NSL1: variants seen among roughly 807,000 people sequenced by gnomAD.
The protein encoded by NSL1 is NSL1 component of MIS12 kinetochore complex, also known as kinetochore-associated protein NSL1 homolog.
In NSL1, 11 loss-of-function variants were observed where a neutral mutation model predicts 25.4. The ratio of observed to expected loss-of-function variants is 0.43; its 90% CI spans 0.27 to 0.72. NSL1 has a LOEUF of 0.72. NSL1 is among the 30% of genes least tolerant of loss of function. The probability of loss-of-function intolerance (pLI) is 0.19; values close to 1 mark genes in which losing one functional copy is unlikely to be tolerated. For missense variants in NSL1, 330 were observed against 342.7 expected (o/e 0.96, Z 0.29); for synonymous variants, 118 against 120.6 (o/e 0.98, Z 0.14).
Position 212,728,277 on chromosome 1 carries a change from CATTT to C in NSL1, c.*10127_*10130del. On this transcript the variant is annotated 3_prime_UTR_variant, in exon 6 of 6. Transcript: ENST00000366977. ...AAGTTGATAACATTATATATGTAAA[CATTT>C]ATTTAAAGTATTTTTGTACAATTCC... 1 of 974,636 alleles carries C rather than the reference CATTT, an allele frequency of 1.0e-6. No homozygotes were observed. Among genetic ancestry groups the C allele is most frequent in the Non-Finnish European group, 1.2e-6 (1 of 820,190 alleles). The allele number at this position is 974,636 out of a possible 1,614,324, so 60.4% of individuals were successfully genotyped here.
chr1:212,782,116 G>A, intron 4 of NSL1: 1 of 691,004 alleles, frequency 1.4e-6, no homozygotes. Context: ...AGATGGGTAT[G>A]TGTTATAATA....
intron 4 of NSL1, among the ~76,000 whole-genome samples, chr1:212,752,087 C>A (rs1507357): frequency 0.18 from 27,250 of 152,114 alleles, 2,770 homozygotes; most frequent in African/African-American, 0.28. Flanking sequence ...TTAAAGGAGC[C>A]AAACTATTCC....
rs367638299 is a variant in NSL1 at position 212,766,266 on chromosome 1, G to T, written c.499+16106C>A. Reference sequence around the variant, plus strand: ...ATGGGGAAAAGTTGAAAGCATTCCCGTTGAGAACTGGAACAAGACAAAGAT... The same window carrying T: ...ATGGGGAAAAGTTGAAAGCATTCCCTTTGAGAACTGGAACAAGACAAAGAT... On this transcript the variant is annotated intron_variant, in intron 4 of 5. Transcript: ENST00000366977. 7 of 631,064 alleles carry T rather than the reference G, an allele frequency of 1.1e-5. No individual in the cohort carries two copies. The Admixed American group carries it at 1.7e-4, about 15-fold the overall frequency. 39.1% of individuals were successfully genotyped at this position (631,064 alleles called of 1,614,324 possible).
In NSL1 at chr1:212,735,493, G is replaced by A; in HGVS notation, c.*2915C>T. 3 of 985,392 alleles carry A rather than the reference G, an allele frequency of 3.0e-6. No homozygotes were observed. The highest frequency in any genetic ancestry group is 3.6e-6 in the Non-Finnish European group (3 of 829,910). The allele number at this position is 985,392 out of a possible 1,614,324, so 61.0% of individuals were successfully genotyped here. The stretch of plus-strand genomic sequence containing the variant: ...GGTTTTATTCACTTTGTCCTCTACG[G>A]AGCCCAAGCCATAAAGGGCCAGGGA... On this transcript the variant is annotated 3_prime_UTR_variant, in exon 6 of 6. Transcript: ENST00000366977.
intron 4 of NSL1, among the ~76,000 whole-genome samples, chr1:212,768,595 A>G (rs1415841000): frequency 6.6e-6 from 1 of 152,242 alleles, no homozygotes; most frequent in Non-Finnish European, 1.5e-5. Context: ...GTTGGAGTCC[A>G]TCATTCTAAG....
At position 212,735,265 on chromosome 1, in the gene NSL1, A is replaced by C. The variant is rs1414322998; in HGVS notation, c.*3143T>G. 1 of 967,288 alleles carries C rather than the reference A, an allele frequency of 1.0e-6. No individual in the cohort carries two copies. Among genetic ancestry groups the C allele is most frequent in the Non-Finnish European group, 1.2e-6 (1 of 813,620 alleles). The allele number at this position is 967,288 out of a possible 1,614,324, so 59.9% of individuals were successfully genotyped here. ...TAGAACTGAAATCTGAACTCAGATGATCTGGCTTAGAGGCTGTGCTCTTAA... is the reference window on the plus strand; with the variant it reads ...TAGAACTGAAATCTGAACTCAGATGCTCTGGCTTAGAGGCTGTGCTCTTAA... On this transcript the variant is annotated 3_prime_UTR_variant, in exon 6 of 6. Coordinates refer to ENST00000366977, the MANE Select transcript of NSL1 (RefSeq NM_015471.4).
chr1:212,742,681 A>G (rs1483837437), intron 4 of NSL1, among the ~76,000 whole-genome samples: 3 of 152,200 alleles, frequency 2.0e-5, no homozygotes, highest in Non-Finnish European at 4.4e-5. Flanking sequence ...ATTAGGCAAA[A>G]TATTAATACA....
chr1:212,791,738 AC>A lies in NSL1; in HGVS notation c.25del (p.Val9SerfsTer38), dbSNP rs1470346553. 5 of 1,611,766 alleles carry A rather than the reference AC, an allele frequency of 3.1e-6. No homozygotes were observed. Among genetic ancestry groups the A allele is most frequent in the Non-Finnish European group, 3.4e-6 (4 of 1,178,786 alleles). On this transcript the variant is annotated frameshift_variant, in exon 1 of 6. Coordinates refer to ENST00000366977, the MANE Select transcript of NSL1 (RefSeq NM_015471.4). LOFTEE classifies it high-confidence loss of function. ...CTCCTTGTCCCATGGAGGGTCAAGG[AC>A]CACCAACTCAGGAGACCCCGCCATT... MAGSPELV[V>X]LDPPWDKELA...
In NSL1 at chr1:212,779,545, C is replaced by T. The variant is rs1432112324; in HGVS notation, c.499+2827G>A. 8.8e-4 allele frequency among the ~76,000 whole-genome samples: 86 copies of T among 97,870 alleles called. 6 individuals are homozygous for T. Among genetic ancestry groups the T allele is most frequent in the Middle Eastern group, 7.4e-3 (1 of 136 alleles). 64.2% of individuals were successfully genotyped at this position (97,870 alleles called of 152,430 possible). A position where few individuals can be genotyped will look rare whatever the true frequency, so the allele number is the denominator to read the frequency against. On this transcript the variant is annotated intron_variant, in intron 4 of 5. Transcript: ENST00000366977. ...CCCCCGCCCAGCCAGCCGCCCCGTC[C>T]GGGAGGGAGGTGGGGGTGTCAGCCC...
intron 3 of NSL1, 108 bp from the exon 4 acceptor site, chr1:212,782,534 G>A (rs1660773669): frequency 1.2e-6 from 1 of 841,138 alleles, no homozygotes; most frequent in Non-Finnish European, 1.9e-6. Flanking sequence ...ATTCTTTTGA[G>A]GAAAAAAAAT....
chr1:212,750,765 C>A (rs1659032573), intron 4 of NSL1, among the ~76,000 whole-genome samples: 1 of 151,930 alleles, frequency 6.6e-6, no homozygotes, highest in African/African-American at 2.4e-5. Flanking sequence ...CATGGTGAAA[C>A]CCTGTCTCTA....
intron 4 of NSL1, among the ~76,000 whole-genome samples, chr1:212,773,705 CA>C (rs1355710177): frequency 6.6e-6 from 1 of 152,006 alleles, no homozygotes. Context: ...CCAAAGGAAA[CA>C]AAATCAGTAT....
At chr1:212,740,156 A>G (rs1658436993) in intron 4 of NSL1, among the ~76,000 whole-genome samples, 1 of 152,180 alleles carries the variant, frequency 6.6e-6, no homozygotes, top group Admixed American at 6.5e-5. Context: ...AAAACTGAAA[A>G]TGAGAAAAAA....
chr1:212,738,734 C>G, intron 5 of NSL1, 48 bp from the exon 6 acceptor site: 3 of 1,481,894 alleles, frequency 2.0e-6, no homozygotes, highest in Non-Finnish European at 2.8e-6. Flanking sequence ...CAGGTTGAAA[C>G]ACAAACAGAC....
intron 4 of NSL1, among the ~76,000 whole-genome samples, chr1:212,757,241 T>TG (rs1332772795): frequency 4.6e-5 from 7 of 151,902 alleles, no homozygotes; most frequent in Non-Finnish European, 8.8e-5. Context: ...AGAGATGAGA[T>TG]CAGAGAAGCA....
chr1:212,779,106 T>C (rs1353044142), intron 4 of NSL1, among the ~76,000 whole-genome samples: 2 of 146,264 alleles, frequency 1.4e-5, no homozygotes, highest in African/African-American at 5.2e-5. Context: ...GTCTGAGAAG[T>C]GAGGAGACCC....
rs1007434146 is a variant in NSL1 at position 212,787,547 on chromosome 1, A to G, written c.313+12T>C. ...ACCCAGAAATTAATAATGGAAGGAA[A>G]AAGTCACATACCCATAAAACAATTA... On this transcript the variant is annotated intron_variant, in intron 2 of 5. Coordinates refer to ENST00000366977, the MANE Select transcript of NSL1 (RefSeq NM_015471.4). 1.3e-6 allele frequency: 2 copies of G among 1,573,062 alleles called. No homozygotes were observed. The highest frequency in any genetic ancestry group is 2.8e-5 in the African/African-American group (2 of 72,722).
intron 4 of NSL1, among the ~76,000 whole-genome samples, chr1:212,773,504 A>G (rs532832985): frequency 6.6e-6 from 1 of 152,356 alleles, no homozygotes; most frequent in South Asian, 2.1e-4. Context: ...CCCAGTTAAG[A>G]TATGACTACT....
At position 212,731,785 on chromosome 1, in the gene NSL1, C is replaced by G. The variant is rs1658025067; in HGVS notation, c.*6623G>C. 4 of 985,440 alleles carry G rather than the reference C, an allele frequency of 4.1e-6. No individual in the cohort carries two copies. Among genetic ancestry groups the G allele is most frequent in the Non-Finnish European group, 4.8e-6 (4 of 829,926 alleles). The allele number at this position is 985,440 out of a possible 1,614,324, so 61.0% of individuals were successfully genotyped here. On this transcript the variant is annotated 3_prime_UTR_variant, in exon 6 of 6. Coordinates refer to ENST00000366977, the MANE Select transcript of NSL1 (RefSeq NM_015471.4). ...TGCCATGTCAAAGCTGGTGTTCAGA[C>G]AGTCACACTGTTACAAACATATGGA...
Sources: gnomAD v4.1 joint callset for allele counts (sites outside exome capture counted in the v4.1 genomes callset) on GRCh38, gnomAD v4.1.1 for gene constraint, MANE v1.5 for transcripts, NCBI Gene and HGNC (gene_info 2026-07-23, HGNC 2026-07-21) for gene names.